Variants in ZNF521 observed in about 807,000 individuals in gnomAD.
ZNF521 encodes LYST-interacting protein 3.
A neutral mutation model predicts 105.5 loss-of-function variants in ZNF521; 14 were observed. The observed-to-expected ratio is 0.13, with a 90% CI of 0.09 to 0.21. The LOEUF (loss-of-function observed/expected upper bound fraction) is 0.21. Ranked by LOEUF, ZNF521 falls within the 10% of genes least tolerant of loss-of-function variation. The pLI is 1.00. For synonymous variants in ZNF521, 635 were observed against 606.0 expected, an observed-to-expected ratio of 1.05 and a Z score of -0.70; for missense variants, 1,233 against 1,629.7, an observed-to-expected ratio of 0.76 and a Z score of 4.19.
At chr18:25,213,806 T>C (rs2036235414) in intron 4 of ZNF521, among the ~76,000 whole-genome samples, 1 of 152,168 alleles carries the variant, frequency 6.6e-6, no homozygotes, top group South Asian at 2.1e-4. Flanking sequence ...TTAATGTTTA[T>C]TGAATCACTA....
rs2032933291 is a variant in ZNF521, at chr18:25,062,749, TAACAAA to T, written c.3907-14_3907-9del. 6 of 204,612 alleles carry T rather than the reference TAACAAA, an allele frequency of 2.9e-5. No individual in the cohort carries two copies. Among genetic ancestry groups the T allele is most frequent in the Admixed American group, 1.2e-4 (1 of 8,238 alleles). The allele number at this position is 204,612 out of a possible 1,614,324, so 12.7% of individuals were successfully genotyped here. A position where few individuals can be genotyped will look rare whatever the true frequency, so the allele number is the denominator to read the frequency against. On this transcript the variant is annotated splice_polypyrimidine_tract_variant and intron_variant, in intron 7 of 7. Transcript: ENST00000361524. Reference sequence around the variant, plus strand: ...TTGGGTCATTGTATGATTCTGTAAATAACAAAAAAAAAAAAAAAAAAAAAAAAAAAA... The same window carrying T: ...TTGGGTCATTGTATGATTCTGTAAATAAAAAAAAAAAAAAAAAAAAAAAAA...
At chr18:25,111,399 T>C (rs2034187150) in intron 5 of ZNF521, among the ~76,000 whole-genome samples, 1 of 152,216 alleles carries the variant, frequency 6.6e-6, no homozygotes, top group African/African-American at 2.4e-5. Flanking sequence ...TCATTGTGTT[T>C]AACGAAAATT....
At chr18:25,085,278 T>C (rs2033596000) in intron 7 of ZNF521, among the ~76,000 whole-genome samples, 1 of 150,770 alleles carries the variant, frequency 6.6e-6, no homozygotes, top group Non-Finnish European at 1.5e-5. Flanking sequence ...ATACACATTA[T>C]ATAAAATTCC....
intron 3 of ZNF521, among the ~76,000 whole-genome samples, chr18:25,307,845 A>C (rs1478117464): frequency 6.6e-6 from 1 of 152,164 alleles, no homozygotes; most frequent in Non-Finnish European, 1.5e-5. Context: ...CCTTACAGAA[A>C]GGCCCTTGCA....
intron 5 of ZNF521, among the ~76,000 whole-genome samples, chr18:25,131,934 G>A (rs909498298): frequency 5.3e-5 from 8 of 152,000 alleles, no homozygotes; most frequent in East Asian, 1.9e-4. Context: ...TGACATTGTC[G>A]CCAATTCCAT....
chr18:25,273,996 A>AT (rs1377986294), intron 3 of ZNF521, among the ~76,000 whole-genome samples: 1 of 152,204 alleles, frequency 6.6e-6, no homozygotes, highest in African/African-American at 2.4e-5. Flanking sequence ...GGCCAGAAAA[A>AT]TTAAACAACT....
At chr18:25,212,403 G>C (rs889710400) in intron 4 of ZNF521, among the ~76,000 whole-genome samples, 2 of 148,956 alleles carry the variant, frequency 1.3e-5, no homozygotes, top group Admixed American at 6.7e-5. Flanking sequence ...TCAGCTACTT[G>C]GGAGGCTGAG....
chr18:25,076,760 C>T (rs1038292158), intron 7 of ZNF521, among the ~76,000 whole-genome samples: 3 of 152,158 alleles, frequency 2.0e-5, no homozygotes, highest in African/African-American at 7.2e-5. Context: ...TTGAATCTAC[C>T]TGAACTATTT....
chr18:25,153,758 G>T (rs1382019512), intron 5 of ZNF521, among the ~76,000 whole-genome samples: 2 of 152,190 alleles, frequency 1.3e-5, no homozygotes, highest in Non-Finnish European at 2.9e-5. Flanking sequence ...GCTTTAGCAT[G>T]ATTGCTTTTT....
At chr18:25,323,338 A>C (rs1175547549) in intron 2 of ZNF521, among the ~76,000 whole-genome samples, 2 of 152,186 alleles carry the variant, frequency 1.3e-5, no homozygotes, top group Admixed American at 6.5e-5. Flanking sequence ...GAAATACGTA[A>C]GGCATTATCT....
At chr18:25,278,517 G>C (rs1910177651) in intron 3 of ZNF521, among the ~76,000 whole-genome samples, 1 of 152,186 alleles carries the variant, frequency 6.6e-6, no homozygotes, top group African/African-American at 2.4e-5. Flanking sequence ...ACTCTTGCCT[G>C]CTTTACTGAC....
At chr18:25,082,953 T>C (rs900323120) in intron 7 of ZNF521, among the ~76,000 whole-genome samples, 1 of 151,988 alleles carries the variant, frequency 6.6e-6, no homozygotes. Flanking sequence ...TTCCTTTGGA[T>C]GTGCTGTGAA....
chr18:25,219,164 TTTATG>T (rs1905532567), intron 4 of ZNF521, among the ~76,000 whole-genome samples: 1 of 152,222 alleles, frequency 6.6e-6, no homozygotes, highest in Non-Finnish European at 1.5e-5. Context: ...TAACTGACTG[TTTATG>T]TTATCGATAA....
chr18:25,235,270 T>C lies in ZNF521; in HGVS notation c.221-7573A>G, dbSNP rs527251012. On this transcript the variant is annotated intron_variant, in intron 3 of 7. Coordinates refer to ENST00000361524, the MANE Select transcript of ZNF521 (RefSeq NM_015461.3). Reference sequence around the variant, plus strand: ...AAATCCTTTGCACCAGTGTGAAATATACGTACTGAGCTTTGAAGGATGACC... The same window carrying C: ...AAATCCTTTGCACCAGTGTGAAATACACGTACTGAGCTTTGAAGGATGACC... 1.8e-4 allele frequency among the ~76,000 whole-genome samples: 28 copies of C among 152,338 alleles called. 2 individuals are homozygous for C. In the South Asian group the frequency reaches 4.3e-3, roughly 24 times the overall value.
intron 3 of ZNF521, among the ~76,000 whole-genome samples, chr18:25,297,601 G>A (rs1911396775): frequency 6.6e-6 from 1 of 152,096 alleles, no homozygotes; most frequent in African/African-American, 2.4e-5. Context: ...TACTATGAAA[G>A]TTCATATTAC....
chr18:25,068,553 A>T (rs2033133084), intron 7 of ZNF521, among the ~76,000 whole-genome samples: 1 of 152,034 alleles, frequency 6.6e-6, no homozygotes, highest in Admixed American at 6.5e-5. Context: ...CAGGCTGGAT[A>T]ATAAGTCTTT....
chr18:25,247,481 G>A (rs918015486), intron 3 of ZNF521, among the ~76,000 whole-genome samples: 5 of 152,122 alleles, frequency 3.3e-5, no homozygotes, highest in Admixed American at 2.6e-4. Context: ...AAAACTGCCT[G>A]GAGATCTTTT....
At chr18:25,199,939 T>C (rs1166713265) in intron 4 of ZNF521, among the ~76,000 whole-genome samples, 1 of 152,092 alleles carries the variant, frequency 6.6e-6, no homozygotes, top group African/African-American at 2.4e-5. Context: ...TTATAAACTG[T>C]TTCATACTTT....
At chr18:25,092,123 C>T (rs2144219564) in intron 5 of ZNF521, 42 bp from the exon 6 acceptor site, 1 of 1,610,996 alleles carries the variant, frequency 6.2e-7, no homozygotes, top group South Asian at 1.1e-5. Flanking sequence ...GAAAACCTGT[C>T]ATATCTTTAA....
Sources: gnomAD v4.1 joint callset for allele counts (sites outside exome capture counted in the v4.1 genomes callset) on GRCh38, gnomAD v4.1.1 for gene constraint, MANE v1.5 for transcripts, NCBI Gene and HGNC (gene_info 2026-07-23, HGNC 2026-07-21) for gene names.